MTHFD2L: variants seen among roughly 807,000 people sequenced by gnomAD.
MTHFD2L encodes the protein methylenetetrahydrofolate dehydrogenase (NADP+ dependent) 2 like, also known as bifunctional methylenetetrahydrofolate dehydrogenase/cyclohydrolase 2, mitochondrial.
Under a neutral mutation model 34.9 loss-of-function variants are expected in MTHFD2L, and 29 were observed. The observed-to-expected ratio is 0.83, with a 90% CI of 0.62 to 1.13. The LOEUF (loss-of-function observed/expected upper bound fraction) is 1.13, where lower values mean the gene tolerates loss of function less well. MTHFD2L is among the 50% of genes most tolerant of loss of function. The pLI is 0.00. For synonymous variants in MTHFD2L, 167 were observed against 155.7 expected, an observed-to-expected ratio of 1.07 and a Z score of -0.54; for missense variants, 481 against 446.5, an observed-to-expected ratio of 1.08 and a Z score of -0.70.
chr4:74,232,763 G>A (rs1004574645), intron 6 of MTHFD2L, among the ~76,000 whole-genome samples: 3 of 150,246 alleles, frequency 2.0e-5, no homozygotes, highest in Non-Finnish European at 4.5e-5. Flanking sequence ...CTTTTGCCTT[G>A]TATATACTAT....
chr4:74,244,761 C>A (rs373133916), intron 6 of MTHFD2L, among the ~76,000 whole-genome samples: 4 of 152,070 alleles, frequency 2.6e-5, no homozygotes, highest in African/African-American at 9.7e-5. Context: ...TTGCAATTAA[C>A]GTTTAAGAAA....
intron 7 of MTHFD2L, among the ~76,000 whole-genome samples, chr4:74,299,905 G>A (rs1030351605): frequency 6.6e-6 from 1 of 151,960 alleles, no homozygotes; most frequent in Non-Finnish European, 1.5e-5. Flanking sequence ...ATTCAACACT[G>A]GAGGAATGAG....
At chr4:74,272,729 G>A (rs976401014) in intron 6 of MTHFD2L, among the ~76,000 whole-genome samples, 1 of 152,116 alleles carries the variant, frequency 6.6e-6, no homozygotes, top group African/African-American at 2.4e-5. Context: ...CTGGCAATAG[G>A]CTGTTTCCCG....
intron 7 of MTHFD2L, among the ~76,000 whole-genome samples, chr4:74,282,332 A>G (rs1037989466): frequency 6.6e-6 from 1 of 152,126 alleles, no homozygotes; most frequent in Non-Finnish European, 1.5e-5. Context: ...TGTTAGAAAT[A>G]TTTTTTGTAT....
At position 74,237,035 on chromosome 4, in the gene MTHFD2L, T is replaced by C. The variant is rs1367800467; in HGVS notation, c.805+11641T>C. ...TACATTTTGTAAAATTTAAATATGT[T>C]GTGGTAACATGGGATGACAAGGGTG... On this transcript the variant is annotated intron_variant, in intron 6 of 7. Coordinates refer to ENST00000325278, the MANE Select transcript of MTHFD2L (RefSeq NM_001144978.3). Among the ~76,000 whole-genome samples the C allele has an allele frequency of 9.9e-5, 15 of 152,198 alleles. 1 individual carries two copies. Among genetic ancestry groups the C allele is most frequent in the Non-Finnish European group, 2.9e-5 (2 of 68,040 alleles).
chr4:74,176,748 A>T (rs188426578), intron 3 of MTHFD2L, among the ~76,000 whole-genome samples: 208 of 152,098 alleles, frequency 1.4e-3, no homozygotes, highest in Non-Finnish European at 2.5e-3. Context: ...GTTGTTCTGA[A>T]ATTTGTGCAT....
intron 5 of MTHFD2L, 39 bp downstream of exon 5, chr4:74,201,409 A>T: frequency 2.1e-6 from 3 of 1,431,840 alleles, no homozygotes; most frequent in Non-Finnish European, 2.9e-6. Context: ...CTCTCGCAGT[A>T]TTCTTACTTC....
intron 1 of MTHFD2L, chr4:74,125,586 T>G (rs1722008784): frequency 6.6e-6 from 1 of 152,174 alleles, no homozygotes; most frequent in African/African-American, 2.4e-5. Context: ...TAGGAAAGAT[T>G]CACAAATGTC....
intron 7 of MTHFD2L, 49 bp from the exon 8 acceptor site, chr4:74,301,648 T>C: frequency 8.9e-7 from 1 of 1,123,760 alleles, no homozygotes; most frequent in Non-Finnish European, 1.3e-6. Context: ...TATTAAAATC[T>C]CAGATATTTT....
In MTHFD2L at chr4:74,174,657, G is replaced by A; in HGVS notation, c.295G>A (p.Val99Ile). The change falls in exon 2 of 8, where the codon GTC (valine) becomes ATC (isoleucine). Residue 99 changes from valine to isoleucine, a missense_variant. Physicochemically the swap from Val to Ile is conservative, Grantham distance 29. Coordinates refer to ENST00000325278, the MANE Select transcript of MTHFD2L (RefSeq NM_001144978.3). ...AGATAACCCAGCAAGCCATACATAT[G>A]TCAGGAATAAGATAAGAGCTGCCTC... is the stretch of plus-strand genomic sequence containing the variant. ...VGDNPASHTY[V>I]RNKIRAASAV... 1 of 1,575,310 alleles carries A rather than the reference G, an allele frequency of 6.3e-7. No individual in the cohort carries two copies. Among genetic ancestry groups the A allele is most frequent in the Non-Finnish European group, 8.6e-7 (1 of 1,163,402 alleles).
intron 1 of MTHFD2L, among the ~76,000 whole-genome samples, chr4:74,133,101 C>T (rs993643445): frequency 6.6e-6 from 1 of 152,172 alleles, no homozygotes; most frequent in Non-Finnish European, 1.5e-5. Context: ...ATTCTCTTAG[C>T]TTTTGTCTGT....
intron 1 of MTHFD2L, among the ~76,000 whole-genome samples, chr4:74,133,057 A>G (rs1364741075): frequency 6.6e-6 from 1 of 152,210 alleles, no homozygotes; most frequent in East Asian, 1.9e-4. Flanking sequence ...AATTCCCTTT[A>G]GCATTTCTTG....
chr4:74,183,513 A>G (rs1193957282), intron 3 of MTHFD2L: 1 of 152,078 alleles, frequency 6.6e-6, no homozygotes, highest in Non-Finnish European at 1.5e-5. Flanking sequence ...TCAGCTGGGC[A>G]TTGTGGTGCA....
chr4:74,273,729 C>T (rs1560550569), intron 6 of MTHFD2L, among the ~76,000 whole-genome samples: 1 of 152,124 alleles, frequency 6.6e-6, no homozygotes, highest in Non-Finnish European at 1.5e-5. Context: ...GAATGGTCTT[C>T]GGTTTAAACT....
At chr4:74,139,590 G>A (rs1234947025) in intron 1 of MTHFD2L, among the ~76,000 whole-genome samples, 2 of 152,158 alleles carry the variant, frequency 1.3e-5, no homozygotes, top group Non-Finnish European at 2.9e-5. Context: ...CACAAACTTG[G>A]TTCCAGGCAG....
At chr4:74,240,605 A>T (rs1187248481) in intron 6 of MTHFD2L, among the ~76,000 whole-genome samples, 1 of 152,216 alleles carries the variant, frequency 6.6e-6, no homozygotes, top group Non-Finnish European at 1.5e-5. Flanking sequence ...ATACACACTC[A>T]CAAACAGAAA....
chr4:74,245,194 C>CAA (rs57639523), intron 6 of MTHFD2L, among the ~76,000 whole-genome samples: 56 of 66,344 alleles, frequency 8.4e-4, no homozygotes, highest in East Asian at 2.0e-3. Flanking sequence ...GACTCAGTCT[C>CAA]AAAAAAAAAA....
rs774919269 is a variant in MTHFD2L, at chr4:74,225,776, G to A, written c.805+382G>A. Among the ~76,000 whole-genome samples, 3 of 152,112 alleles carry A rather than the reference G, an allele frequency of 2.0e-5. No individual in the cohort carries two copies. The South Asian group carries it at 6.2e-4, about 31-fold the overall frequency. ...TGTATCAAGGAACATAGAATGTTCA[G>A]GTGAGGGGAAAAGATAGTCACTATG... On this transcript the variant is annotated intron_variant, in intron 6 of 7. Transcript: ENST00000325278.
intron 1 of MTHFD2L, among the ~76,000 whole-genome samples, chr4:74,149,417 G>T (rs1723792776): frequency 6.8e-6 from 1 of 147,128 alleles, no homozygotes; most frequent in Admixed American, 6.8e-5. Flanking sequence ...AAAAATGAAT[G>T]AATTATAGCT....
Sources: allele counts gnomAD v4.1 joint callset (sites outside exome capture counted in the v4.1 genomes callset), GRCh38; gene constraint gnomAD v4.1.1; transcripts MANE v1.5; gene names NCBI Gene and HGNC (gene_info 2026-07-23, HGNC 2026-07-21).